ZYG11B: variants seen among roughly 807,000 people sequenced by gnomAD.
ZYG11B encodes the protein protein zyg-11 homolog B.
A neutral mutation model predicts 82.4 loss-of-function variants in ZYG11B; 36 were observed. The observed-to-expected ratio is 0.44, with a 90% confidence interval of 0.33 to 0.58. The LOEUF (loss-of-function observed/expected upper bound fraction) is 0.58. Among genes scored for constraint, ZYG11B ranks in the 20% least tolerant of loss-of-function variants. The pLI is 0.02. For synonymous variants in ZYG11B, 303 were observed against 312.8 expected, an observed-to-expected ratio of 0.97 and a Z score of 0.33; for missense variants, 552 against 895.6, an observed-to-expected ratio of 0.62 and a Z score of 4.90.
At chr1:52,803,121 CACATATATATATACACACAT>C (rs1558140115) in intron 10 of ZYG11B, among the ~76,000 whole-genome samples, 2,443 of 52,462 alleles carry the variant, frequency 0.047, 333 homozygotes, top group African/African-American at 0.21. Flanking sequence ...TATATATACA[CACATATATATATACACACAT>C]ATATATATAT....
intron 1 of ZYG11B, among the ~76,000 whole-genome samples, chr1:52,755,482 A>T (rs1233331831): frequency 1.3e-5 from 2 of 151,982 alleles, no homozygotes; most frequent in African/African-American, 4.8e-5. Flanking sequence ...TTTCCATATG[A>T]ATCTTAGGAT....
intron 13 of ZYG11B, among the ~76,000 whole-genome samples, chr1:52,819,792 AAAT>A (rs67913247): frequency 9.4e-5 from 14 of 149,624 alleles, no homozygotes; most frequent in East Asian, 2.2e-4. Context: ...TCTGAAAAAA[AAAT>A]AATAATAATA....
chr1:52,819,859 ATTAGAG>A (rs1645268110), intron 13 of ZYG11B, among the ~76,000 whole-genome samples: 1 of 151,828 alleles, frequency 6.6e-6, no homozygotes, highest in African/African-American at 2.4e-5. Context: ...ACTTTTAGGT[ATTAGAG>A]TTATTTAGGT....
At chr1:52,761,103 C>T (rs4926576) in intron 2 of ZYG11B, among the ~76,000 whole-genome samples, 90,128 of 152,026 alleles carry the variant, frequency 0.59, 29,449 homozygotes, top group East Asian at 0.97. Context: ...TTGTACATAT[C>T]TATGGGGTAT....
chr1:52,813,767 T>C, intron 11 of ZYG11B, 34 bp downstream of exon 11: 7 of 1,613,620 alleles, frequency 4.3e-6, no homozygotes, highest in Non-Finnish European at 5.9e-6. Flanking sequence ...AAGACATTCA[T>C]AGTGGTTAAA....
chr1:52,817,144 AC>A (rs993230767), intron 13 of ZYG11B, among the ~76,000 whole-genome samples: 2 of 152,052 alleles, frequency 1.3e-5, no homozygotes, highest in African/African-American at 4.8e-5. Flanking sequence ...GTAACTAGAC[AC>A]TGAATAATAG....
intron 4 of ZYG11B, among the ~76,000 whole-genome samples, chr1:52,784,667 C>T (rs981214075): frequency 6.6e-6 from 1 of 152,002 alleles, no homozygotes; most frequent in Non-Finnish European, 1.5e-5. Flanking sequence ...TACAGAAAAC[C>T]CCTAGATATG....
intron 10 of ZYG11B, among the ~76,000 whole-genome samples, chr1:52,807,908 G>C (rs1468719255): frequency 6.6e-6 from 1 of 152,052 alleles, no homozygotes; most frequent in Admixed American, 6.6e-5. Flanking sequence ...CTTTGTTTTT[G>C]AAAGATACTT....
At chr1:52,783,827 CATACGTGTGTATATGTACAT>C (rs1330043658) in intron 4 of ZYG11B, among the ~76,000 whole-genome samples, 1 of 105,582 alleles carries the variant, frequency 9.5e-6, no homozygotes, top group African/African-American at 7.1e-5. Flanking sequence ...TATATGTATA[CATACGTGTGTATATGTACAT>C]ACACGTGTGT....
At chr1:52,755,660 C>G (rs1477182891) in intron 1 of ZYG11B, among the ~76,000 whole-genome samples, 1 of 152,184 alleles carries the variant, frequency 6.6e-6, no homozygotes, top group Non-Finnish European at 1.5e-5. Context: ...TGCCGCCACA[C>G]CTGGCTAATT....
At chr1:52,772,799 C>T (rs1317089544) in intron 3 of ZYG11B, among the ~76,000 whole-genome samples, 2 of 151,998 alleles carry the variant, frequency 1.3e-5, no homozygotes, top group African/African-American at 4.8e-5. Flanking sequence ...TGCCTCAGTC[C>T]CCTGAGTAAC....
At chr1:52,747,013 C>G (rs530019887) in intron 1 of ZYG11B, among the ~76,000 whole-genome samples, 1 of 150,964 alleles carries the variant, frequency 6.6e-6, no homozygotes, top group Admixed American at 6.7e-5. Context: ...CTGCCACATT[C>G]TAAATATATG....
rs377543601 is a variant in ZYG11B, at chr1:52,756,551, T to C, written c.124T>C (p.Leu42=). Residue 42 remains leucine, a synonymous_variant, in exon 2 of 14, where the codon TTG becomes CTG. Coordinates refer to ENST00000294353, the MANE Select transcript of ZYG11B (RefSeq NM_024646.3). The part of the protein sequence containing the change: ...KFCSARQDGT[L]CLQEPGVFPQ... ...CTGTTCAGCCAGACAAGATGGAACA[T>C]TGTGTCTGCAGGAACCTGGAGTATT... 53 of 1,613,992 alleles carry C rather than the reference T, an allele frequency of 3.3e-5. No homozygotes were observed. Among genetic ancestry groups the C allele is most frequent in the Admixed American group, 3.0e-4 (18 of 59,978 alleles).
chr1:52,737,992 A>G (rs6661196), intron 1 of ZYG11B, among the ~76,000 whole-genome samples: 76,676 of 152,074 alleles, frequency 0.5, 19,525 homozygotes, highest in East Asian at 0.62. Flanking sequence ...TTCTGTCCAC[A>G]AGGATTTAAC....
In ZYG11B at chr1:52,796,328, C is replaced by T. The variant is rs1310378948; in HGVS notation, c.1371C>T (p.Cys457=). 1 of 1,613,850 alleles carries T rather than the reference C, an allele frequency of 6.2e-7. No homozygotes were observed. The change falls in exon 7 of 14, where the codon TGC becomes TGT. Residue 457 remains cysteine, a synonymous_variant. Coordinates refer to ENST00000294353, the MANE Select transcript of ZYG11B (RefSeq NM_024646.3). ...EAAKLVMQWL[C]NHEDQNMQRM... ...CCAAGCTTGTCATGCAGTGGCTTTG[C>T]AACCATGAGGATCAAAACATGCAAA...
chr1:52,797,633 C>G (rs1445178396), intron 8 of ZYG11B, among the ~76,000 whole-genome samples: 1 of 148,860 alleles, frequency 6.7e-6, no homozygotes, highest in South Asian at 2.1e-4. Context: ...CTCAGCCTCC[C>G]GAGTAGCTGG....
intron 13 of ZYG11B, among the ~76,000 whole-genome samples, chr1:52,818,756 T>C (rs929417665): frequency 3.3e-5 from 5 of 151,932 alleles, no homozygotes; most frequent in African/African-American, 4.8e-5. Context: ...AATATCCTTA[T>C]AGCAGAAGTA....
At chr1:52,756,042 C>T (rs763952147) in intron 1 of ZYG11B, among the ~76,000 whole-genome samples, 1 of 152,162 alleles carries the variant, frequency 6.6e-6, no homozygotes, top group Non-Finnish European at 1.5e-5. Flanking sequence ...TCAAGTGATC[C>T]TCCCACCTCG....
In ZYG11B at chr1:52,813,478, T is replaced by C. The variant is rs554744347; in HGVS notation, c.1696-58T>C. The C allele has an allele frequency of 2.1e-5, 28 of 1,345,388 alleles. 1 individual carries two copies. In the Middle Eastern group the frequency reaches 7.7e-4, roughly 37 times the overall value. The allele number at this position is 1,345,388 out of a possible 1,614,324, so 83.3% of individuals were successfully genotyped here. On this transcript the variant is annotated intron_variant, in intron 10 of 13. Transcript: ENST00000294353. Reference sequence around the variant, plus strand: ...GTTATCCAGGGCCTAAAAACAGTTATCTTAACCATTTACTATACATATTAC... The same window carrying C: ...GTTATCCAGGGCCTAAAAACAGTTACCTTAACCATTTACTATACATATTAC...
Sources: gnomAD v4.1 joint callset for allele counts (sites outside exome capture counted in the v4.1 genomes callset) on GRCh38, gnomAD v4.1.1 for gene constraint, MANE v1.5 for transcripts, NCBI Gene and HGNC (gene_info 2026-07-23, HGNC 2026-07-21) for gene names.